Variants in DNAH6 observed in about 807,000 individuals in gnomAD.
The protein encoded by DNAH6 is dynein axonemal heavy chain 6.
In DNAH6, 340 loss-of-function variants were observed where a neutral mutation model predicts 491.4. That is an observed-to-expected ratio of 0.69 (90% CI 0.63 to 0.76). The LOEUF (loss-of-function observed/expected upper bound fraction) is 0.76, where lower values mean the gene tolerates loss of function less well. DNAH6 is among the 30% of genes least tolerant of loss of function. The probability of loss-of-function intolerance (pLI) is 0.00; values close to 1 mark genes in which losing one functional copy is unlikely to be tolerated. For synonymous variants in DNAH6, 1,603 were observed against 1,686.1 expected (o/e 0.95, Z 1.21); for missense variants, 4,443 against 4,972.2 (o/e 0.89, Z 3.20).
intron 58 of DNAH6, among the ~76,000 whole-genome samples, chr2:84,717,848 T>G (rs1697696485): frequency 1.3e-5 from 2 of 152,212 alleles, no homozygotes. Context: ...ATCATAAATA[T>G]TCCAGGCACC....
At chr2:84,758,587 C>G (rs940457836) in intron 63 of DNAH6, among the ~76,000 whole-genome samples, 3 of 151,950 alleles carry the variant, frequency 2.0e-5, no homozygotes, top group Non-Finnish European at 4.4e-5. Context: ...AAGATAATAT[C>G]AAAAAGACAA....
intron 50 of DNAH6, 109 bp downstream of exon 50, chr2:84,703,671 T>A: frequency 9.5e-7 from 1 of 1,056,324 alleles, no homozygotes; most frequent in Non-Finnish European, 1.3e-6. Context: ...TTAAAATAAT[T>A]AAGTGATAGA....
In DNAH6 at chr2:84,655,075, TA is replaced by T. The variant is rs1307607851; in HGVS notation, c.5757+298del. ...AACACAAGCCACTTTTTTGAGTCCC[TA>T]AAAACACAGCTACAACAGCCTGAGG... On this transcript the variant is annotated intron_variant, in intron 35 of 76. Coordinates refer to ENST00000389394, the MANE Select transcript of DNAH6 (RefSeq NM_001370.2). Among the ~76,000 whole-genome samples the T allele has an allele frequency of 2.6e-4, 40 of 151,998 alleles. 1 individual carries two copies. The highest frequency in any genetic ancestry group is 2.6e-3 in the Admixed American group (39 of 15,226).
chr2:84,727,458 A>G (rs1698742222), intron 60 of DNAH6, among the ~76,000 whole-genome samples: 1 of 152,172 alleles, frequency 6.6e-6, no homozygotes, highest in African/African-American at 2.4e-5. Flanking sequence ...ATGACTTTGA[A>G]TGCAAGATTG....
intron 62 of DNAH6, among the ~76,000 whole-genome samples, chr2:84,743,929 A>G (rs1251687512): frequency 1.3e-5 from 2 of 152,210 alleles, no homozygotes; most frequent in Non-Finnish European, 2.9e-5. Flanking sequence ...CACAATAAAT[A>G]ATGAGAACCT....
chr2:84,815,843 C>G lies in DNAH6; in HGVS notation c.12151-18C>G. 2.0e-6 allele frequency: 3 copies of G among 1,535,454 alleles called. 1 individual carries two copies. In the South Asian group the frequency reaches 3.6e-5, roughly 18 times the overall value. ...CCTTTTCCCCCATCTCACTTTGAGA[C>G]TTGTGGGTATCTTTCAGTTGCCCTC... On this transcript the variant is annotated intron_variant, in intron 75 of 76. Coordinates refer to ENST00000389394, the MANE Select transcript of DNAH6 (RefSeq NM_001370.2).
At chr2:84,666,443 T>C (rs1374090023) in intron 37 of DNAH6, among the ~76,000 whole-genome samples, 2 of 152,128 alleles carry the variant, frequency 1.3e-5, no homozygotes, top group African/African-American at 2.4e-5. Context: ...TCACAAGCAT[T>C]CCTATACACC....
chr2:84,753,717 A>G (rs950617988), intron 63 of DNAH6, among the ~76,000 whole-genome samples: 4 of 140,108 alleles, frequency 2.9e-5, no homozygotes, highest in Admixed American at 1.5e-4. Context: ...AGATCACACC[A>G]TTGCATTCCA....
chr2:84,720,093 C>T (rs546252117), intron 59 of DNAH6, among the ~76,000 whole-genome samples: 3 of 152,106 alleles, frequency 2.0e-5, no homozygotes, highest in African/African-American at 7.2e-5. Context: ...TGTTTTAGTT[C>T]CTTCCTTCCA....
intron 44 of DNAH6, among the ~76,000 whole-genome samples, chr2:84,687,621 TG>T (rs1558910816): frequency 6.6e-6 from 1 of 152,148 alleles, no homozygotes; most frequent in East Asian, 1.9e-4. Context: ...TATTATCACA[TG>T]AGGGAATACA....
At chr2:84,488,698 C>T in the DNAH6 span, among the ~76,000 whole-genome samples, 2 of 152,292 alleles carry the variant, frequency 1.3e-5, no homozygotes, top group African/African-American at 4.8e-5. Context: ...GATAATCTCC[C>T]CATTTCAAGA....
the DNAH6 span, among the ~76,000 whole-genome samples, chr2:84,470,115 G>C: frequency 3.2e-4 from 48 of 152,240 alleles, no homozygotes; most frequent in African/African-American, 1.2e-3. Context: ...TTTCCTATGA[G>C]TCGGGGGTCT....
intron 38 of DNAH6, among the ~76,000 whole-genome samples, chr2:84,669,815 T>A (rs1049349441): frequency 2.0e-5 from 3 of 152,158 alleles, no homozygotes; most frequent in African/African-American, 7.2e-5. Context: ...TGGATAAGAA[T>A]TGGGCAGAGG....
In DNAH6 at chr2:84,733,495, G is replaced by T. The variant is rs114604025; in HGVS notation, c.10258G>T (p.Ala3420Ser). 6.4e-6 allele frequency: 10 copies of T among 1,551,106 alleles called. No homozygotes were observed. Among genetic ancestry groups the T allele is most frequent in the Admixed American group, 5.9e-5 (3 of 50,976 alleles). Reference protein sequence around the residue: ...APWLPTATWFACCDLEESFPV... With the variant: ...APWLPTATWFSCCDLEESFPV... ...CTGGCTACCTACTGCTACATGGTTC[G>T]CATGCTGTGACTTGGAAGAATCATT... Residue 3420 changes from alanine (A) to serine (S), a missense_variant, in exon 62 of 77, where the codon GCA becomes TCA. Physicochemically the swap from Ala to Ser is moderately conservative, Grantham distance 99. Around this residue, in one of 3 missense-constraint regions of DNAH6, gnomAD observed 1,463 missense variants for 1,656.6 expected, o/e 0.88. Transcript: ENST00000389394.
chr2:84,537,930 A>G (rs1474407512), intron 4 of DNAH6, among the ~76,000 whole-genome samples: 3 of 152,128 alleles, frequency 2.0e-5, no homozygotes, highest in Admixed American at 6.6e-5. Context: ...TGAGTACTGC[A>G]ACATGATAGT....
chr2:84,621,270 C>A lies in DNAH6; in HGVS notation c.3872C>A (p.Ser1291Tyr), dbSNP rs1485935335. 1.9e-6 allele frequency: 3 copies of A among 1,551,502 alleles called. No individual in the cohort carries two copies. Among genetic ancestry groups the A allele is most frequent in the Admixed American group, 2.0e-5 (1 of 50,974 alleles). Residue 1291 changes from serine (S) to tyrosine (Y), a missense_variant, in exon 25 of 77, where the codon TCT becomes TAT. Transcript: ENST00000389394. Reference sequence around the variant, plus strand: ...AAAGTGGAAGAAGCCATGTTCACATCTCTGCGTCGCCTGTGCAAAGCTGCC... The same window carrying A: ...AAAGTGGAAGAAGCCATGTTCACATATCTGCGTCGCCTGTGCAAAGCTGCC... ...LGKVEEAMFTSLRRLCKAAIA... is the reference protein window; with the variant it reads ...LGKVEEAMFTYLRRLCKAAIA...
intron 17 of DNAH6, among the ~76,000 whole-genome samples, chr2:84,595,144 A>C (rs1184246281): frequency 6.6e-6 from 1 of 152,134 alleles, no homozygotes; most frequent in African/African-American, 2.4e-5. Flanking sequence ...AGGTTTACAA[A>C]TTTTCTACTG....
At position 84,706,913 on chromosome 2, in the gene DNAH6, C is replaced by T; in HGVS notation, c.8745C>T (p.Thr2915=). 1 of 1,541,134 alleles carries T rather than the reference C, an allele frequency of 6.5e-7. No homozygotes were observed. The highest frequency in any genetic ancestry group is 8.7e-7 in the Non-Finnish European group (1 of 1,144,892). The change falls in exon 53 of 77, where the codon ACC becomes ACT. Residue 2915 remains threonine, a synonymous_variant. Transcript: ENST00000389394. The part of the protein sequence containing the change: ...LRAAQAELDI[T]MATLREKQAL... ...TTTATTAGGCTGAACTTGACATTAC[C>T]ATGGCTACCCTGAGAGAAAAGCAAG...
the DNAH6 span, among the ~76,000 whole-genome samples, chr2:84,476,154 A>G: frequency 1.3e-5 from 2 of 152,380 alleles, no homozygotes; most frequent in Non-Finnish European, 2.9e-5. Flanking sequence ...AAACTTTTCA[A>G]TTAAGTTTGC....
Sources: allele counts gnomAD v4.1 joint callset (sites outside exome capture counted in the v4.1 genomes callset), GRCh38; gene constraint gnomAD v4.1.1; regional missense constraint gnomAD v4.1.1; transcripts MANE v1.5; gene names NCBI Gene and HGNC (gene_info 2026-07-23, HGNC 2026-07-21).